The following OTUD5 variants were observed in gnomAD, a reference collection of about 807,000 sequenced individuals.
The protein encoded by OTUD5 is OTU deubiquitinase 5, also known as OTU domain-containing protein 5.
OTUD5 carries 2 observed loss-of-function variants against 36.3 expected under a neutral mutation model. The observed-to-expected ratio is 0.06, with a 90% CI of 0.02 to 0.17. OTUD5 has a LOEUF of 0.17. Ranked by LOEUF, OTUD5 falls within the 10% of genes least tolerant of loss-of-function variation. OTUD5 has a pLI of 1.00. For synonymous variants in OTUD5, 234 were observed against 214.9 expected, an observed-to-expected ratio of 1.09 and a Z score of -0.78; for missense variants, 233 against 512.3, an observed-to-expected ratio of 0.45 and a Z score of 5.26.
chrX:48,955,575 G>A (rs1296625673), intron 1 of OTUD5, among the ~76,000 whole-genome samples: 2 of 111,044 alleles, frequency 1.8e-5, no homozygotes, highest in Admixed American at 9.5e-5. Flanking sequence ...GTGGGTCTCA[G>A]GCCCTTAAAA....
In OTUD5 at chrX:48,925,730, G is replaced by A. The variant is rs1167717633; in HGVS notation, c.1263+117C>T. 6 of 554,029 alleles carry A rather than the reference G, an allele frequency of 1.1e-5. No homozygotes were observed. The African/African-American group carries it at 1.4e-4, about 13-fold the overall frequency. The allele number at this position is 554,029 out of a possible 1,213,427, so 45.7% of individuals were successfully genotyped here. A position where few individuals can be genotyped will look rare whatever the true frequency, so the allele number is the denominator to read the frequency against. On this transcript the variant is annotated intron_variant, in intron 6 of 8. Coordinates refer to ENST00000376488, the MANE Select transcript of OTUD5 (RefSeq NM_001136157.2). ...ACCAAGATGAGTTACAGATGGTGCT[G>A]GATGCTTCCTTCCCTCCCAGATGTC...
intron 2 of OTUD5, among the ~76,000 whole-genome samples, chrX:48,943,096 C>G (rs2063962144): frequency 9.0e-6 from 1 of 111,574 alleles, no homozygotes; most frequent in Admixed American, 9.5e-5. Flanking sequence ...AGTGTCACAG[C>G]AGTTATGAGT....
chrX:48,938,667 C>G (rs782770169), intron 2 of OTUD5, among the ~76,000 whole-genome samples: 1 of 109,124 alleles, frequency 9.2e-6, no homozygotes, highest in South Asian at 4.0e-4. Flanking sequence ...GCACTACAGC[C>G]TAGGCAACAA....
In OTUD5 at chrX:48,922,948, G is replaced by A. The variant is rs2063604053; in HGVS notation, c.*226C>T. 1 of 1,046,854 alleles carries A rather than the reference G, an allele frequency of 9.6e-7. No individual in the cohort carries two copies. Among genetic ancestry groups the A allele is most frequent in the Admixed American group, 3.9e-5 (1 of 25,545 alleles). 86.3% of individuals were successfully genotyped at this position (1,046,854 alleles called of 1,213,427 possible). On this transcript the variant is annotated 3_prime_UTR_variant, in exon 9 of 9. Transcript: ENST00000376488. ...GGGATGGTTCTGTGCGGGATGGGGTGGGGGGCAACAGGGCACATCAGCTGG... is the reference window on the plus strand; with the variant it reads ...GGGATGGTTCTGTGCGGGATGGGGTAGGGGGCAACAGGGCACATCAGCTGG...
At chrX:48,929,234 A>G (rs1422626292) in intron 5 of OTUD5, among the ~76,000 whole-genome samples, 5 of 108,339 alleles carry the variant, frequency 4.6e-5, no homozygotes, top group Non-Finnish European at 9.6e-5. Flanking sequence ...TAAAAATCAA[A>G]AAAATTAGCT....
At chrX:48,941,476 C>A (rs1205916445) in intron 2 of OTUD5, among the ~76,000 whole-genome samples, 1 of 97,228 alleles carries the variant, frequency 1.0e-5, no homozygotes, top group Non-Finnish European at 2.0e-5. Flanking sequence ...AAAAAGAATG[C>A]GTGTCCTTTG....
chrX:48,943,665 T>C (rs183670044), intron 2 of OTUD5, among the ~76,000 whole-genome samples: 45 of 111,261 alleles, frequency 4.0e-4, no homozygotes, highest in Admixed American at 2.0e-3. Context: ...TACACACAGA[T>C]TGAGGAACAG....
At chrX:48,948,146 A>C (rs999949407) in intron 1 of OTUD5, among the ~76,000 whole-genome samples, 25 of 112,555 alleles carry the variant, frequency 2.2e-4, no homozygotes, top group Middle Eastern at 4.6e-3. Context: ...TTAGGAGTTT[A>C]AGACCAGCCT....
chrX:48,932,981 G>A (rs2063779563), intron 5 of OTUD5, among the ~76,000 whole-genome samples: 1 of 109,191 alleles, frequency 9.2e-6, no homozygotes, highest in African/African-American at 3.3e-5. Context: ...GTGAGACCCT[G>A]TCTCTCCACC....
intron 2 of OTUD5, among the ~76,000 whole-genome samples, chrX:48,939,612 T>C (rs2063885193): frequency 8.9e-6 from 1 of 111,758 alleles, no homozygotes; most frequent in Admixed American, 9.5e-5. Flanking sequence ...GATGTGAGGC[T>C]CTATAAACTG....
chrX:48,955,175 T>C (rs1227247405), intron 1 of OTUD5, among the ~76,000 whole-genome samples: 1 of 111,642 alleles, frequency 9.0e-6, no homozygotes, highest in Admixed American at 9.5e-5. Flanking sequence ...GTTGGGAGTC[T>C]AAGGCCCAAG....
intron 2 of OTUD5, among the ~76,000 whole-genome samples, chrX:48,943,944 C>A (rs1160762562): frequency 6.2e-5 from 7 of 112,165 alleles, no homozygotes; most frequent in African/African-American, 2.3e-4. Flanking sequence ...TAGCACCTGA[C>A]AATGTGTCCC....
intron 5 of OTUD5, among the ~76,000 whole-genome samples, chrX:48,930,661 A>T (rs1457340429): frequency 3.6e-5 from 4 of 111,785 alleles, no homozygotes; most frequent in African/African-American, 1.3e-4. Flanking sequence ...GGGCTCTCTA[A>T]AGAAATGGCT....
chrX:48,932,088 G>T (rs1028528885), intron 5 of OTUD5, among the ~76,000 whole-genome samples: 2 of 105,612 alleles, frequency 1.9e-5, no homozygotes, highest in African/African-American at 6.9e-5. Flanking sequence ...GGCAGAGGTT[G>T]CAGTGAGCCA....
chrX:48,925,739 C>T (rs1557047582), intron 6 of OTUD5, 108 bp downstream of exon 6: 2 of 603,729 alleles, frequency 3.3e-6, no homozygotes, highest in East Asian at 3.6e-5. Context: ...TGGATGCTTC[C>T]TTCCCTCCCA....
intron 2 of OTUD5, among the ~76,000 whole-genome samples, chrX:48,938,069 G>A (rs782691271): frequency 1.8e-5 from 2 of 111,835 alleles, no homozygotes; most frequent in Non-Finnish European, 3.8e-5. Flanking sequence ...ATAAAACAGG[G>A]TCCTAAAGTA....
intron 1 of OTUD5, among the ~76,000 whole-genome samples, chrX:48,951,104 C>T (rs1368106092): frequency 9.5e-6 from 1 of 104,994 alleles, no homozygotes; most frequent in Non-Finnish European, 2.0e-5. Context: ...AAACTACTGA[C>T]CCTGCCTATG....
At chrX:48,955,835 G>T (rs925268099) in intron 1 of OTUD5, among the ~76,000 whole-genome samples, 1 of 111,252 alleles carries the variant, frequency 9.0e-6, no homozygotes, top group Non-Finnish European at 1.9e-5. Flanking sequence ...CGTGGGGTGG[G>T]GAGTCTCAGA....
At chrX:48,923,773 G>GGGACCCAGGATCCAGGACCCA (rs1557046964) in intron 7 of OTUD5, 27 bp from the exon 8 acceptor site, 1 of 1,184,854 alleles carries the variant, frequency 8.4e-7, no homozygotes, top group East Asian at 3.0e-5. Context: ...GTCAAAGGTA[G>GGGACCCAGGATCCAGGACCCA]GGACCCAGGA....
Sources: allele counts gnomAD v4.1 joint callset (sites outside exome capture counted in the v4.1 genomes callset), GRCh38; gene constraint gnomAD v4.1.1; transcripts MANE v1.5; gene names NCBI Gene and HGNC (gene_info 2026-07-23, HGNC 2026-07-21).